Variants in CELSR1 observed in about 807,000 individuals in gnomAD.
CELSR1 encodes the protein adhesion G protein-coupled receptor C1.
A neutral mutation model predicts 249.1 loss-of-function variants in CELSR1; 110 were observed. That is an observed-to-expected ratio of 0.44 (90% CI 0.38 to 0.52). The LOEUF is 0.52. Among genes scored for constraint, CELSR1 ranks in the 20% least tolerant of loss-of-function variants. The probability of loss-of-function intolerance (pLI) is 0.00; values close to 1 mark genes in which losing one functional copy is unlikely to be tolerated. For synonymous variants in CELSR1, 2,113 were observed against 1,900.0 expected, an observed-to-expected ratio of 1.11 and a Z score of -2.92; for missense variants, 4,109 against 4,296.4, an observed-to-expected ratio of 0.96 and a Z score of 1.22.
intron 1 of CELSR1, among the ~76,000 whole-genome samples, chr22:46,532,700 C>A (rs2080804088): frequency 6.6e-6 from 1 of 152,192 alleles, no homozygotes; most frequent in East Asian, 1.9e-4. Flanking sequence ...GCACCAGCAT[C>A]CTTGGATGCA....
rs1482206890 is a variant in CELSR1, at chr22:46,393,643, CAGA to C, written c.5964+496_5964+498del. ...ATCCCAGCTACTCAGGAGGCTGAGGCAGAAGAATTGCTGGAACCCGGGAGGCGG... is the reference window on the plus strand; with the variant it reads ...ATCCCAGCTACTCAGGAGGCTGAGGCAGAATTGCTGGAACCCGGGAGGCGG... On this transcript the variant is annotated intron_variant, in intron 14 of 34. Coordinates refer to ENST00000674500, the MANE Select transcript of CELSR1 (RefSeq NM_001378328.1). The surrounding 1 kb of genome is among the most constrained non-coding windows in gnomAD (Gnocchi z 4.1). Among the ~76,000 whole-genome samples the C allele has an allele frequency of 6.6e-6, 1 of 151,182 alleles. No homozygotes were observed. Among genetic ancestry groups the C allele is most frequent in the African/African-American group, 2.4e-5 (1 of 41,078 alleles).
At position 46,427,631 on chromosome 22, in the gene CELSR1, C is replaced by A. The variant is rs1458055529; in HGVS notation, c.4611+5762G>T. On this transcript the variant is annotated intron_variant, in intron 5 of 34. Transcript: ENST00000674500. This position sits in a 1 kb window ranked among gnomAD's most constrained non-coding sequence, Gnocchi z 4.2. Reference sequence around the variant, plus strand: ...CCCTCATCACCGCACAGAACCCCACCGCACTGTTGGCAATGGTTGTTGACG... The same window carrying A: ...CCCTCATCACCGCACAGAACCCCACAGCACTGTTGGCAATGGTTGTTGACG... Among the ~76,000 whole-genome samples the A allele has an allele frequency of 6.6e-6, 1 of 152,196 alleles. No individual in the cohort carries two copies. The highest frequency in any genetic ancestry group is 2.4e-5 in the African/African-American group (1 of 41,454).
rs779705240 is a variant in CELSR1, at chr22:46,429,478, C to A, written c.4611+3915G>T. 1.3e-5 allele frequency among the ~76,000 whole-genome samples: 2 copies of A among 152,240 alleles called. No individual in the cohort carries two copies. The highest frequency in any genetic ancestry group is 2.9e-5 in the Non-Finnish European group (2 of 68,048). ...CATCTGTGCTTGGCGGAGCGCCACA[C>A]AAATGTACAAGTGCCTGCCTTTGAA... On this transcript the variant is annotated intron_variant, in intron 5 of 34. Coordinates refer to ENST00000674500, the MANE Select transcript of CELSR1 (RefSeq NM_001378328.1). This position sits in a 1 kb window ranked among gnomAD's most constrained non-coding sequence, Gnocchi z 4.1.
intron 1 of CELSR1, among the ~76,000 whole-genome samples, chr22:46,476,427 C>G (rs11913378): frequency 0.021 from 3,269 of 152,082 alleles, 138 homozygotes; most frequent in African/African-American, 0.076. Context: ...GAAACCCCAT[C>G]TCTACCAAAA....
Position 46,410,691 on chromosome 22 carries a change from GAGAGGCCAAAGTC to G in CELSR1, c.4770-143_4770-131del. 3 of 910,282 alleles carry G rather than the reference GAGAGGCCAAAGTC, an allele frequency of 3.3e-6. No homozygotes were observed. In the South Asian group the frequency reaches 5.0e-5, roughly 15 times the overall value. 56.4% of individuals were successfully genotyped at this position (910,282 alleles called of 1,614,324 possible). A position where few individuals can be genotyped will look rare whatever the true frequency, so the allele number is the denominator to read the frequency against. On this transcript the variant is annotated intron_variant, in intron 6 of 34. Coordinates refer to ENST00000674500, the MANE Select transcript of CELSR1 (RefSeq NM_001378328.1). This position sits in a 1 kb window ranked among gnomAD's most constrained non-coding sequence, Gnocchi z 6.8. ...TTCAGAAACCAAGCAGACAGGCGGG[GAGAGGCCAAAGTC>G]AGAGGGGGCTCCTGTGTCTGGTGCC...
chr22:46,398,866 C>T lies in CELSR1; in HGVS notation c.5413-229G>A, dbSNP rs2079180587. Among the ~76,000 whole-genome samples, 2 of 152,182 alleles carry T rather than the reference C, an allele frequency of 1.3e-5. No homozygotes were observed. The highest frequency in any genetic ancestry group is 4.8e-5 in the African/African-American group (2 of 41,440). ...CAGAGGATGGGTGTCCATGCCCCAG[C>T]CTAGCTGAGGCGGCCAGTGGGGTCA... On this transcript the variant is annotated intron_variant, in intron 10 of 34. Transcript: ENST00000674500. The surrounding 1 kb of genome is among the most constrained non-coding windows in gnomAD (Gnocchi z 7.2).
Position 46,382,000 on chromosome 22 carries a change from G to A in CELSR1, c.6934C>T (p.Arg2312Cys), listed in dbSNP as rs1004377573. The A allele has an allele frequency of 3.8e-6, 6 of 1,563,074 alleles. No homozygotes were observed. The highest frequency in any genetic ancestry group is 5.2e-6 in the Non-Finnish European group (6 of 1,156,138). ...AGRRTTPQTT[R>C]PGPGTEREAP... ...TCCCTCTCGGTGCCAGGCCCCGGGC[G>A]CGTGGTCTGCGGGGTGGTCCTCCGG... Residue 2312 changes from arginine (R) to cysteine (C), a missense_variant, in exon 21 of 35, where the codon CGC (arginine) becomes TGC (cysteine). This residue lies in a region of CELSR1 where 1,805 missense variants were observed against 1,831.6 expected (regional missense o/e 0.99). Coordinates refer to ENST00000674500, the MANE Select transcript of CELSR1 (RefSeq NM_001378328.1). This position sits in a 1 kb window ranked among gnomAD's most constrained non-coding sequence, Gnocchi z 6.0.
Position 46,386,442 on chromosome 22 carries a change from C to T in CELSR1, c.6699G>A (p.Arg2233=), listed in dbSNP as rs2079034429. Residue 2233 remains arginine, a synonymous_variant, in exon 19 of 35, where the codon CGG becomes CGA. Transcript: ENST00000674500. ...CGATGACGAAGGGCCGCAGGTACGT[C>T]CGCCGCACGTTGCGTGCCACGTTGC... ...YFSNVARNVR[R]TYLRPFVIVT... 6.2e-7 allele frequency: 1 copy of T among 1,600,198 alleles called. No homozygotes were observed.
chr22:46,504,530 A>G (rs1024513027), intron 1 of CELSR1, among the ~76,000 whole-genome samples: 1 of 148,580 alleles, frequency 6.7e-6, no homozygotes, highest in African/African-American at 2.5e-5. Flanking sequence ...ACAAAAAAAA[A>G]CAGGAATGGC....
rs1360300092 is a variant in CELSR1 at position 46,473,707 on chromosome 22, C to T, written c.3545-9362G>A. Among the ~76,000 whole-genome samples, 1 of 152,182 alleles carries T rather than the reference C, an allele frequency of 6.6e-6. No homozygotes were observed. The highest frequency in any genetic ancestry group is 1.9e-4 in the East Asian group (1 of 5,190). ...GACACAGGGTGCGTGCCTGTCCTTC[C>T]CGAGGCCTTCACAGCAGGCAGGGAG... On this transcript the variant is annotated intron_variant, in intron 1 of 34. Coordinates refer to ENST00000674500, the MANE Select transcript of CELSR1 (RefSeq NM_001378328.1). This position sits in a 1 kb window ranked among gnomAD's most constrained non-coding sequence, Gnocchi z 6.6.
At position 46,440,088 on chromosome 22, in the gene CELSR1, G is replaced by T. The variant is rs1265898058; in HGVS notation, c.4184-677C>A. On this transcript the variant is annotated intron_variant, in intron 2 of 34. Coordinates refer to ENST00000674500, the MANE Select transcript of CELSR1 (RefSeq NM_001378328.1). This position sits in a 1 kb window ranked among gnomAD's most constrained non-coding sequence, Gnocchi z 4.7. ...TAGAGTTTAAACTCTTTTGTGACAG[G>T]AAGGTTCTGGAAGCTTTCCCAGAAA... Among the ~76,000 whole-genome samples, 1 of 152,110 alleles carries T rather than the reference G, an allele frequency of 6.6e-6. No individual in the cohort carries two copies. Among genetic ancestry groups the T allele is most frequent in the Non-Finnish European group, 1.5e-5 (1 of 68,020 alleles).
At chr22:46,438,006 AC>A (rs2079685142) in intron 3 of CELSR1, among the ~76,000 whole-genome samples, 1 of 152,050 alleles carries the variant, frequency 6.6e-6, no homozygotes, top group Non-Finnish European at 1.5e-5. Flanking sequence ...TTCCCTTTGG[AC>A]CCAGGTGGGG....
rs2080518746 is a variant in CELSR1, at chr22:46,506,743, T to C, written c.3544+26884A>G. On this transcript the variant is annotated intron_variant, in intron 1 of 34. Coordinates refer to ENST00000674500, the MANE Select transcript of CELSR1 (RefSeq NM_001378328.1). This position sits in a 1 kb window ranked among gnomAD's most constrained non-coding sequence, Gnocchi z 4.1. Reference sequence around the variant, plus strand: ...TTACGTTCTAATTTTAAGATCTCTGTGCCACCATCCAAATGTGGACAGATG... The same window carrying C: ...TTACGTTCTAATTTTAAGATCTCTGCGCCACCATCCAAATGTGGACAGATG... Among the ~76,000 whole-genome samples, 1 of 152,210 alleles carries C rather than the reference T, an allele frequency of 6.6e-6. No homozygotes were observed. The highest frequency in any genetic ancestry group is 1.5e-5 in the Non-Finnish European group (1 of 68,050).
Position 46,533,611 on chromosome 22 carries a change from C to G in CELSR1, c.3544+16G>C. On this transcript the variant is annotated intron_variant, in intron 1 of 34. Coordinates refer to ENST00000674500, the MANE Select transcript of CELSR1 (RefSeq NM_001378328.1). The stretch of plus-strand genomic sequence containing the variant: ...GCCCATCAGGAGCTACTCCTCCCAC[C>G]CCGACGGCCACTCACCAGACACAGA... The G allele has an allele frequency of 6.5e-7, 1 of 1,536,860 alleles. No homozygotes were observed. The highest frequency in any genetic ancestry group is 2.3e-5 in the East Asian group (1 of 44,314).
chr22:46,497,722 TG>T (rs1184201699), intron 1 of CELSR1, among the ~76,000 whole-genome samples: 1 of 152,002 alleles, frequency 6.6e-6, no homozygotes, highest in Non-Finnish European at 1.5e-5. Flanking sequence ...CTTCTGGGGG[TG>T]GGGGACACTG....
Position 46,534,705 on chromosome 22 carries a change from G to A in CELSR1, c.2466C>T (p.Ala822=). The change falls in exon 1 of 35, where the codon GCC becomes GCT. Residue 822 remains alanine, a synonymous_variant. Coordinates refer to ENST00000674500, the MANE Select transcript of CELSR1 (RefSeq NM_001378328.1). This position sits in a 1 kb window ranked among gnomAD's most constrained non-coding sequence, Gnocchi z 9.7. ...SANDEDTGEN[A]RITYVIQDPV... is the part of the protein sequence containing the mutation. ...GGTCCTGAATCACGTAGGTGATGCGGGCATTCTCTCCTGTGTCCTCATCGT... is the reference window on the plus strand; with the variant it reads ...GGTCCTGAATCACGTAGGTGATGCGAGCATTCTCTCCTGTGTCCTCATCGT... 1.2e-6 allele frequency: 2 copies of A among 1,613,482 alleles called. No homozygotes were observed. Among genetic ancestry groups the A allele is most frequent in the Non-Finnish European group, 1.7e-6 (2 of 1,180,032 alleles).
intron 1 of CELSR1, among the ~76,000 whole-genome samples, chr22:46,510,115 C>A (rs529789112): frequency 6.6e-6 from 1 of 152,356 alleles, no homozygotes; most frequent in East Asian, 1.9e-4. Flanking sequence ...CTGCATCCAG[C>A]AGACGAGGAC....
intron 1 of CELSR1, among the ~76,000 whole-genome samples, chr22:46,475,228 T>C (rs547032521): frequency 1.2e-3 from 182 of 151,856 alleles, no homozygotes; most frequent in Non-Finnish European, 1.7e-3. Flanking sequence ...AGGATAAACA[T>C]TACACATTAT....
Position 46,463,726 on chromosome 22 carries a change from C to G in CELSR1, c.4164G>C (p.Glu1388Asp). The change falls in exon 2 of 35, where the codon GAG becomes GAC. Residue 1388 changes from glutamate (E) to aspartate (D), a missense_variant. Physicochemically the swap from Glu to Asp is conservative, Grantham distance 45. Around this residue, in one of 7 missense-constraint regions of CELSR1, gnomAD observed 453 missense variants for 492.0 expected, o/e 0.92. Coordinates refer to ENST00000674500, the MANE Select transcript of CELSR1 (RefSeq NM_001378328.1). ...CRSREGGYTCECFEDFTGEHC... is the reference protein window; with the variant it reads ...CRSREGGYTCDCFEDFTGEHC... ...ACCTACCAGTGAAGTCCTCGAAGCA[C>G]TCGCAGGTGTAGCCGCCCTCGCGGC... is the stretch of plus-strand genomic sequence containing the variant. The G allele has an allele frequency of 6.5e-7, 1 of 1,530,870 alleles. No homozygotes were observed. Among genetic ancestry groups the G allele is most frequent in the Non-Finnish European group, 8.8e-7 (1 of 1,140,692 alleles). 94.8% of individuals were successfully genotyped at this position (1,530,870 alleles called of 1,614,324 possible). A position where few individuals can be genotyped will look rare whatever the true frequency, so the allele number is the denominator to read the frequency against.
Sources: allele counts gnomAD v4.1 joint callset (sites outside exome capture counted in the v4.1 genomes callset), GRCh38; gene constraint gnomAD v4.1.1; regional missense constraint gnomAD v4.1.1; non-coding constraint Gnocchi (gnomAD v3.1); transcripts MANE v1.5; gene names NCBI Gene and HGNC (gene_info 2026-07-23, HGNC 2026-07-21).